Variants in PTPRG observed in about 807,000 individuals in gnomAD.
PTPRG encodes the protein receptor-type tyrosine-protein phosphatase gamma.
In PTPRG, 102 loss-of-function variants were observed where a neutral mutation model predicts 165.3. The observed-to-expected ratio is 0.62, with a 90% CI of 0.53 to 0.73. The LOEUF (loss-of-function observed/expected upper bound fraction) is 0.73. Among genes scored for constraint, PTPRG ranks in the 30% least tolerant of loss-of-function variants. PTPRG has a pLI of 0.00. For synonymous variants in PTPRG, 675 were observed against 669.5 expected, an observed-to-expected ratio of 1.01 and a Z score of -0.13; for missense variants, 1,866 against 1,861.4, an observed-to-expected ratio of 1.00 and a Z score of -0.05.
At chr3:61,737,935 G>T (rs2032783418) in intron 1 of PTPRG, among the ~76,000 whole-genome samples, 1 of 149,748 alleles carries the variant, frequency 6.7e-6, no homozygotes, top group South Asian at 2.1e-4. Context: ...TTAAGACGGA[G>T]TCTTTCTCTG....
intron 2 of PTPRG, among the ~76,000 whole-genome samples, chr3:61,953,426 A>G (rs886338959): frequency 6.6e-6 from 1 of 152,232 alleles, no homozygotes; most frequent in African/African-American, 2.4e-5. Context: ...TTGGTATTTA[A>G]AAACCTAGGC....
At chr3:61,605,273 T>C (rs1373026313) in intron 1 of PTPRG, among the ~76,000 whole-genome samples, 1 of 152,230 alleles carries the variant, frequency 6.6e-6, no homozygotes, top group African/African-American at 2.4e-5. Flanking sequence ...TTTATTCTTT[T>C]GATACAGAGT....
At chr3:62,063,758 C>A (rs1337704715) in intron 4 of PTPRG, among the ~76,000 whole-genome samples, 1 of 152,190 alleles carries the variant, frequency 6.6e-6, no homozygotes, top group Non-Finnish European at 1.5e-5. Flanking sequence ...CTGCCTCATC[C>A]TCCCAAAATG....
chr3:61,588,619 G>C (rs991664499), intron 1 of PTPRG, among the ~76,000 whole-genome samples: 4 of 151,950 alleles, frequency 2.6e-5, no homozygotes, highest in Non-Finnish European at 5.9e-5. Flanking sequence ...CTAATTTTTT[G>C]TATTGTAGTA....
At chr3:61,564,265 A>C (rs916155217) in intron 1 of PTPRG, among the ~76,000 whole-genome samples, 1 of 152,128 alleles carries the variant, frequency 6.6e-6, no homozygotes, top group Non-Finnish European at 1.5e-5. Flanking sequence ...GAGCTTTGTG[A>C]GGGCCACTCT....
intron 4 of PTPRG, among the ~76,000 whole-genome samples, chr3:62,017,646 G>C (rs1483521206): frequency 6.8e-6 from 1 of 146,498 alleles, no homozygotes; most frequent in African/African-American, 2.5e-5. Context: ...GGATGGTCTC[G>C]ATCTCCTGAC....
rs1379021886 is a variant in PTPRG, at chr3:61,995,681, CGCCTTCCTTCCTTCCTTCCT to C, written c.370+5878_370+5897del. 7.7e-5 allele frequency among the ~76,000 whole-genome samples: 7 copies of C among 90,504 alleles called. No individual in the cohort carries two copies. In the Admixed American group the frequency reaches 7.8e-4, roughly 10 times the overall value. 59.4% of individuals were successfully genotyped at this position (90,504 alleles called of 152,430 possible). Reference sequence around the variant, plus strand: ...TAGGCTTTCCGCCTGCCTGCCCGCCCGCCTTCCTTCCTTCCTTCCTTCCTTCCTTCCTTCCTTCCTTCCTT... The same window carrying C: ...TAGGCTTTCCGCCTGCCTGCCCGCCCTCCTTCCTTCCTTCCTTCCTTCCTT... On this transcript the variant is annotated intron_variant, in intron 3 of 29. Transcript: ENST00000474889.
chr3:62,248,021 T>A (rs1576176329), intron 15 of PTPRG, among the ~76,000 whole-genome samples: 1 of 48,640 alleles, frequency 2.1e-5, no homozygotes. Context: ...GAACGAAGAC[T>A]TTTTTTTTTC....
At chr3:61,662,861 C>T (rs1702704489) in intron 1 of PTPRG, among the ~76,000 whole-genome samples, 1 of 152,194 alleles carries the variant, frequency 6.6e-6, no homozygotes, top group Non-Finnish European at 1.5e-5. Context: ...GTGCATATGT[C>T]TGTCGGTCTG....
chr3:61,927,535 C>T (rs1287072568), intron 2 of PTPRG, among the ~76,000 whole-genome samples: 1 of 152,152 alleles, frequency 6.6e-6, no homozygotes, highest in Middle Eastern at 3.2e-3. Flanking sequence ...TGAGTGTGGG[C>T]CAGAAGCCTC....
At chr3:61,566,231 T>TGAGTTTG (rs1699910689) in intron 1 of PTPRG, among the ~76,000 whole-genome samples, 1 of 152,228 alleles carries the variant, frequency 6.6e-6, no homozygotes, top group Non-Finnish European at 1.5e-5. Context: ...TATCTCCCAT[T>TGAGTTTG]AATTATGGAC....
intron 2 of PTPRG, among the ~76,000 whole-genome samples, chr3:61,945,560 C>CAAAAAAAAAAAAAAAAAAAAAAA (rs71123242): frequency 5.4e-5 from 3 of 55,460 alleles, no homozygotes; most frequent in African/African-American, 2.1e-4. Flanking sequence ...ACTCCGTCAC[C>CAAAAAAAAAAAAAAAAAAAAAAA]AAAAAAAAAA....
chr3:61,726,908 A>G (rs1449413855), intron 1 of PTPRG, among the ~76,000 whole-genome samples: 2 of 152,136 alleles, frequency 1.3e-5, no homozygotes, highest in Non-Finnish European at 2.9e-5. Flanking sequence ...TTAGCCAGCC[A>G]TGGTGGCGGG....
chr3:61,940,597 TC>T (rs2039596833), intron 2 of PTPRG, among the ~76,000 whole-genome samples: 1 of 152,210 alleles, frequency 6.6e-6, no homozygotes, highest in Admixed American at 6.5e-5. Flanking sequence ...TACACATTTC[TC>T]AAGGGGATTT....
At chr3:62,132,745 T>C in intron 6 of PTPRG, 77 bp downstream of exon 6, 2 of 1,305,990 alleles carry the variant, frequency 1.5e-6, no homozygotes, top group South Asian at 2.4e-5. Flanking sequence ...CAGGTTATCT[T>C]GCAGAGGACA....
chr3:62,129,860 T>A (rs752276019), intron 5 of PTPRG, among the ~76,000 whole-genome samples: 4 of 152,148 alleles, frequency 2.6e-5, no homozygotes, highest in Admixed American at 1.3e-4. Context: ...GAGGAGCACA[T>A]GAGTTGATCA....
At chr3:61,813,574 T>TGTGTGG (rs2035659904) in intron 2 of PTPRG, among the ~76,000 whole-genome samples, 1 of 149,420 alleles carries the variant, frequency 6.7e-6, no homozygotes, top group Non-Finnish European at 1.5e-5. Flanking sequence ...TGTGTGTGTG[T>TGTGTGG]GTGTGTGTGT....
chr3:61,851,068 G>GCAGAT (rs1434362086), intron 2 of PTPRG, among the ~76,000 whole-genome samples: 1 of 152,098 alleles, frequency 6.6e-6, no homozygotes, highest in African/African-American at 2.4e-5. Flanking sequence ...AATGCCCTTG[G>GCAGAT]CAGATGAAGG....
intron 1 of PTPRG, among the ~76,000 whole-genome samples, chr3:61,672,612 G>C (rs1358208828): frequency 6.6e-6 from 1 of 151,104 alleles, no homozygotes; most frequent in Non-Finnish European, 1.5e-5. Flanking sequence ...GCAGGCACTC[G>C]GCAGGCTGAG....
Sources: gnomAD v4.1 joint callset for allele counts (sites outside exome capture counted in the v4.1 genomes callset) on GRCh38, gnomAD v4.1.1 for gene constraint, MANE v1.5 for transcripts, NCBI Gene and HGNC (gene_info 2026-07-23, HGNC 2026-07-21) for gene names.